CLIC5: variants seen among roughly 807,000 people sequenced by gnomAD.
CLIC5 encodes chloride intracellular channel protein 5.
In CLIC5, 20 loss-of-function variants were observed where a neutral mutation model predicts 24.7. The ratio of observed to expected loss-of-function variants is 0.81; its 90% CI spans 0.57 to 1.18. CLIC5 has a LOEUF of 1.18. Ranked by LOEUF, CLIC5 falls within the 50% of genes most tolerant of loss-of-function variation. The pLI is 0.00. For missense variants in CLIC5, 341 were observed against 326.1 expected, an observed-to-expected ratio of 1.05 and a Z score of -0.35; for synonymous variants, 159 against 135.6, an observed-to-expected ratio of 1.17 and a Z score of -1.20.
chr6:46,119,980 T>A, the CLIC5 span, among the ~76,000 whole-genome samples: 1 of 152,232 alleles, frequency 6.6e-6, no homozygotes, highest in East Asian at 1.9e-4. Flanking sequence ...GAGGCCTGCC[T>A]GCCTCTGTAG....
chr6:45,992,421 A>G (rs1019615470), intron 1 of CLIC5, among the ~76,000 whole-genome samples: 5 of 152,208 alleles, frequency 3.3e-5, no homozygotes, highest in Non-Finnish European at 7.3e-5. Context: ...AGTTTATTTT[A>G]AAAAAATATT....
intron 1 of CLIC5, among the ~76,000 whole-genome samples, chr6:45,974,495 G>GTATA (rs1456137513): frequency 3.9e-5 from 3 of 76,552 alleles, no homozygotes; most frequent in Admixed American, 1.6e-4. Flanking sequence ...GTGTGTGTGT[G>GTATA]TGTATATATA....
chr6:46,025,595 A>G (rs989914812), intron 1 of CLIC5, among the ~76,000 whole-genome samples: 1 of 152,220 alleles, frequency 6.6e-6, no homozygotes, highest in Admixed American at 6.5e-5. Flanking sequence ...AAATAAAAAT[A>G]GTAAAGGCCC....
chr6:46,000,639 A>G (rs1478541789), intron 1 of CLIC5, among the ~76,000 whole-genome samples: 1 of 152,170 alleles, frequency 6.6e-6, no homozygotes, highest in East Asian at 1.9e-4. Flanking sequence ...GAAACTTACA[A>G]TCATGGTAGA....
At chr6:46,100,637 A>G in the CLIC5 span, among the ~76,000 whole-genome samples, 1 of 152,254 alleles carries the variant, frequency 6.6e-6, no homozygotes, top group Admixed American at 6.5e-5. Context: ...TTCTAATGTT[A>G]ATCATATACC....
At chr6:46,068,118 C>A (rs1395714469) in intron 1 of CLIC5, among the ~76,000 whole-genome samples, 3 of 152,018 alleles carry the variant, frequency 2.0e-5, no homozygotes, top group South Asian at 4.2e-4. Context: ...CAGAGACTGG[C>A]GTGATGCAAC....
At chr6:45,897,770 C>T (rs530294658), downstream of CLIC5, among the ~76,000 whole-genome samples, 9 of 152,140 alleles carry the variant, frequency 5.9e-5, no homozygotes, top group South Asian at 1.2e-3. Context: ...AGCCTAGGAA[C>T]GCAAGCCACT....
At chr6:45,950,230 C>G (rs1239115198) in intron 2 of CLIC5, among the ~76,000 whole-genome samples, 1 of 152,096 alleles carries the variant, frequency 6.6e-6, no homozygotes, top group Non-Finnish European at 1.5e-5. Context: ...AGGAGGCCCT[C>G]AGTAGATACA....
upstream of CLIC5, among the ~76,000 whole-genome samples, chr6:46,016,432 AG>A (rs1250761652): frequency 6.6e-6 from 1 of 152,122 alleles, no homozygotes; most frequent in Non-Finnish European, 1.5e-5. Context: ...AGGGCAGGGC[AG>A]GGGTGGCTCC....
At chr6:45,913,767 T>C (rs764786612) in intron 5 of CLIC5, 1 of 1,230,862 alleles carries the variant, frequency 8.1e-7, no homozygotes, top group Non-Finnish European at 1.0e-6. Context: ...AGGAAAATAA[T>C]GTGGGCTCAC....
chr6:45,918,609 T>G (rs1031121419), intron 4 of CLIC5, among the ~76,000 whole-genome samples: 2 of 152,382 alleles, frequency 1.3e-5, no homozygotes, highest in East Asian at 1.9e-4. Flanking sequence ...GTTTTTCTCT[T>G]GTATGTGTGT....
intron 1 of CLIC5, among the ~76,000 whole-genome samples, chr6:46,011,909 C>T (rs1176112467): frequency 1.3e-5 from 2 of 152,200 alleles, no homozygotes; most frequent in Admixed American, 6.5e-5. Flanking sequence ...GGCCTTTGTT[C>T]CCCAAGGCAA....
chr6:46,054,705 A>C (rs542378870), intron 1 of CLIC5, among the ~76,000 whole-genome samples: 3 of 152,240 alleles, frequency 2.0e-5, no homozygotes, highest in Non-Finnish European at 4.4e-5. Context: ...TAGGTTTACT[A>C]TCCTTTTAAG....
chr6:45,984,380 A>AC (rs1765663744), intron 1 of CLIC5, among the ~76,000 whole-genome samples: 1 of 152,234 alleles, frequency 6.6e-6, no homozygotes, highest in African/African-American at 2.4e-5. Flanking sequence ...TGGAAGGGAC[A>AC]TTTGACAGGT....
intron 1 of CLIC5, among the ~76,000 whole-genome samples, chr6:46,033,145 C>T (rs759652532): frequency 7.2e-5 from 11 of 151,842 alleles, no homozygotes; most frequent in South Asian, 2.1e-4. Flanking sequence ...TGTGCCACCA[C>T]GCCCAGCTAA....
intron 1 of CLIC5, among the ~76,000 whole-genome samples, chr6:45,956,811 C>A (rs1289056181): frequency 2.6e-5 from 4 of 152,150 alleles, no homozygotes; most frequent in Non-Finnish European, 5.9e-5. Flanking sequence ...CAGACCCACC[C>A]CTGAGTCTTG....
intron 1 of CLIC5, among the ~76,000 whole-genome samples, chr6:45,981,808 G>A (rs1357791277): frequency 6.6e-6 from 1 of 152,068 alleles, no homozygotes; most frequent in Non-Finnish European, 1.5e-5. Context: ...GATCAGCATG[G>A]CCAACATGAT....
chr6:45,902,812 CACTG>C lies in CLIC5; in HGVS notation c.*272_*275del. 1 of 469,352 alleles carries C rather than the reference CACTG, an allele frequency of 2.1e-6. No homozygotes were observed. The highest frequency in any genetic ancestry group is 3.8e-6 in the Non-Finnish European group (1 of 262,528). The allele number at this position is 469,352 out of a possible 1,614,324, so 29.1% of individuals were successfully genotyped here. A position where few individuals can be genotyped will look rare whatever the true frequency, so the allele number is the denominator to read the frequency against. ...GCAATCCCATATGTGGGCTCTCCAA[CACTG>C]ACTGACCCCAAACATGCTGAGCCCA... On this transcript the variant is annotated 3_prime_UTR_variant, in exon 6 of 6. Transcript: ENST00000339561.
the CLIC5 span, among the ~76,000 whole-genome samples, chr6:46,089,417 A>G: frequency 3.2e-4 from 48 of 152,228 alleles, no homozygotes; most frequent in South Asian, 9.1e-3. Flanking sequence ...TCAGGAGGTT[A>G]AGGAACATTC....
Sources: allele counts gnomAD v4.1 joint callset (sites outside exome capture counted in the v4.1 genomes callset), GRCh38; gene constraint gnomAD v4.1.1; transcripts MANE v1.5; gene names NCBI Gene and HGNC (gene_info 2026-07-23, HGNC 2026-07-21).